ZBTB16: variants seen among roughly 807,000 people sequenced by gnomAD.
ZBTB16 encodes the protein zinc finger and BTB domain containing 16.
ZBTB16 carries 8 observed loss-of-function variants against 56.8 expected under a neutral mutation model. The ratio of observed to expected loss-of-function variants is 0.14; its 90% CI spans 0.08 to 0.25. The LOEUF is 0.25. Ranked by LOEUF, ZBTB16 falls within the 10% of genes least tolerant of loss-of-function variation. The probability of loss-of-function intolerance (pLI) is 1.00; values close to 1 mark genes in which losing one functional copy is unlikely to be tolerated. For missense variants in ZBTB16, 625 were observed against 903.0 expected, an observed-to-expected ratio of 0.69 and a Z score of 3.95; for synonymous variants, 363 against 368.5, an observed-to-expected ratio of 0.98 and a Z score of 0.17.
Position 114,250,318 on chromosome 11 carries a change from G to T in ZBTB16, c.1793-8G>T, listed in dbSNP as rs781056767. 5 of 1,610,194 alleles carry T rather than the reference G, an allele frequency of 3.1e-6. No homozygotes were observed. The South Asian group carries it at 5.5e-5, about 18-fold the overall frequency. On this transcript the variant is annotated splice_region_variant and splice_polypyrimidine_tract_variant and intron_variant, in intron 6 of 6. Coordinates refer to ENST00000335953, the MANE Select transcript of ZBTB16 (RefSeq NM_006006.6). This position sits in a 1 kb window ranked among gnomAD's most constrained non-coding sequence, Gnocchi z 6.0. ...TCACTTTCTCCTGCCCTGTCCCTCCGCCCTCAGGTGAGAAGCCCTTTGAGT... is the reference window on the plus strand; with the variant it reads ...TCACTTTCTCCTGCCCTGTCCCTCCTCCCTCAGGTGAGAAGCCCTTTGAGT...
At chr11:114,200,468 T>C (rs145462503) in intron 4 of ZBTB16, among the ~76,000 whole-genome samples, 39 of 152,346 alleles carry the variant, frequency 2.6e-4, no homozygotes, top group African/African-American at 8.9e-4. Flanking sequence ...TGGCTTTTTA[T>C]GTATGGTCCA....
At chr11:114,096,155 A>G (rs1940397735) in intron 2 of ZBTB16, among the ~76,000 whole-genome samples, 1 of 152,188 alleles carries the variant, frequency 6.6e-6, no homozygotes, top group Non-Finnish European at 1.5e-5. Flanking sequence ...TTTTAATATC[A>G]AATCTCCAGA....
At chr11:114,241,090 G>A (rs1299024847) in intron 4 of ZBTB16, among the ~76,000 whole-genome samples, 2 of 152,106 alleles carry the variant, frequency 1.3e-5, no homozygotes, top group Admixed American at 1.3e-4. Flanking sequence ...GGGTAACGTC[G>A]GTCATGAGAG....
intron 2 of ZBTB16, among the ~76,000 whole-genome samples, chr11:114,108,104 C>A (rs184383955): frequency 6.6e-6 from 1 of 152,216 alleles, no homozygotes; most frequent in Admixed American, 6.5e-5. Context: ...ACGGCTTTAT[C>A]ATTCATTAAT....
At chr11:114,071,605 T>C (rs1206086112) in intron 2 of ZBTB16, among the ~76,000 whole-genome samples, 1 of 152,240 alleles carries the variant, frequency 6.6e-6, no homozygotes, top group African/African-American at 2.4e-5. Context: ...CCAATCACTT[T>C]AATTTTTTTT....
chr11:114,207,102 T>C (rs1943894742), intron 4 of ZBTB16, among the ~76,000 whole-genome samples: 1 of 152,212 alleles, frequency 6.6e-6, no homozygotes, highest in Non-Finnish European at 1.5e-5. Flanking sequence ...GTTTTGGTGC[T>C]TGGCCTCATG....
intron 2 of ZBTB16, among the ~76,000 whole-genome samples, chr11:114,140,837 G>A (rs1029096265): frequency 7.2e-5 from 11 of 152,168 alleles, no homozygotes; most frequent in Non-Finnish European, 1.5e-4. Context: ...GTTCTGGAAG[G>A]CTGACCTAAC....
intron 3 of ZBTB16, among the ~76,000 whole-genome samples, chr11:114,174,524 T>G (rs1943055916): frequency 6.6e-6 from 1 of 152,134 alleles, no homozygotes; most frequent in African/African-American, 2.4e-5. Flanking sequence ...CTGCTAAAAA[T>G]ACAACAATTA....
chr11:114,099,580 A>G (rs1940536963), intron 2 of ZBTB16, among the ~76,000 whole-genome samples: 1 of 152,142 alleles, frequency 6.6e-6, no homozygotes, highest in African/African-American at 2.4e-5. Context: ...CTCAAGGCTT[A>G]GCCTGCTGGT....
intron 2 of ZBTB16, among the ~76,000 whole-genome samples, chr11:114,108,035 G>A (rs375073433): frequency 6.6e-5 from 10 of 152,006 alleles, no homozygotes; most frequent in Admixed American, 2.0e-4. Context: ...AGGAAGCATT[G>A]TAAAAGATGC....
chr11:114,218,482 A>G (rs1232185774), intron 4 of ZBTB16, among the ~76,000 whole-genome samples: 1 of 152,152 alleles, frequency 6.6e-6, no homozygotes, highest in Admixed American at 6.5e-5. Context: ...CTCTCCCTCT[A>G]CACCCTCCTC....
At position 114,060,735 on chromosome 11, in the gene ZBTB16, G is replaced by A. The variant is rs1938803619; in HGVS notation, c.-91+853G>A. Among the ~76,000 whole-genome samples the A allele has an allele frequency of 2.0e-5, 3 of 152,096 alleles. No homozygotes were observed. Among genetic ancestry groups the A allele is most frequent in the Admixed American group, 2.0e-4 (3 of 15,284 alleles). On this transcript the variant is annotated intron_variant, in intron 1 of 6. Coordinates refer to ENST00000335953, the MANE Select transcript of ZBTB16 (RefSeq NM_006006.6). This position sits in a 1 kb window ranked among gnomAD's most constrained non-coding sequence, Gnocchi z 6.0. ...CCGCGGAACCACCCGGACGCACGGAGCGCTCCGCACCGACTCGCTCGCCGC... is the reference window on the plus strand; with the variant it reads ...CCGCGGAACCACCCGGACGCACGGAACGCTCCGCACCGACTCGCTCGCCGC...
intron 2 of ZBTB16, among the ~76,000 whole-genome samples, chr11:114,120,844 G>T (rs1941320522): frequency 6.6e-6 from 1 of 152,136 alleles, no homozygotes; most frequent in Non-Finnish European, 1.5e-5. Flanking sequence ...AAAGGGGAAG[G>T]AGAGCAGGGC....
At chr11:114,201,762 G>A (rs1258917009) in intron 4 of ZBTB16, among the ~76,000 whole-genome samples, 1 of 152,148 alleles carries the variant, frequency 6.6e-6, no homozygotes, top group East Asian at 1.9e-4. Context: ...CTCTATACCT[G>A]TTAACAATGA....
rs116753079 is a variant in ZBTB16, at chr11:114,106,968, G to A, written c.1268+42400G>A. Among the ~76,000 whole-genome samples, 1,418 of 152,244 alleles carry A rather than the reference G, an allele frequency of 9.3e-3. 30 individuals are homozygous for A. The highest frequency in any genetic ancestry group is 0.032 in the African/African-American group (1,344 of 41,530). On this transcript the variant is annotated intron_variant, in intron 2 of 6. Transcript: ENST00000335953. ...CTAGATGGGCTTTTTATTTTTGAAA[G>A]CACAGTAGTTTCGACGAGTTTTATT... is the stretch of plus-strand genomic sequence containing the variant.
intron 2 of ZBTB16, among the ~76,000 whole-genome samples, chr11:114,115,248 C>T (rs1168281566): frequency 6.6e-6 from 1 of 151,866 alleles, no homozygotes; most frequent in East Asian, 1.9e-4. Flanking sequence ...TGTATGTCCT[C>T]CAGCATAGTT....
At chr11:114,076,276 C>G (rs1359258268) in intron 2 of ZBTB16, among the ~76,000 whole-genome samples, 1 of 152,118 alleles carries the variant, frequency 6.6e-6, no homozygotes, top group Non-Finnish European at 1.5e-5. Context: ...TATCTGATTG[C>G]GGGGCTGATT....
At chr11:114,179,534 G>A (rs1943196467) in intron 3 of ZBTB16, among the ~76,000 whole-genome samples, 1 of 152,098 alleles carries the variant, frequency 6.6e-6, no homozygotes, top group Admixed American at 6.5e-5. Context: ...ATGTAAGCAG[G>A]CGTGCAGATC....
chr11:114,155,484 G>A (rs1942388108), intron 2 of ZBTB16, among the ~76,000 whole-genome samples: 1 of 152,166 alleles, frequency 6.6e-6, no homozygotes, highest in Non-Finnish European at 1.5e-5. Context: ...AGTTGGGATG[G>A]GAGCACTGCT....
Sources: gnomAD v4.1 joint callset for allele counts (sites outside exome capture counted in the v4.1 genomes callset) on GRCh38, gnomAD v4.1.1 for gene constraint, Gnocchi (gnomAD v3.1) non-coding constraint, MANE v1.5 for transcripts, NCBI Gene and HGNC (gene_info 2026-07-23, HGNC 2026-07-21) for gene names.